RNF152: variants seen among roughly 807,000 people sequenced by gnomAD.
RNF152 encodes ring finger protein 152.
In RNF152, 11 loss-of-function variants were observed where a neutral mutation model predicts 12.7. The ratio of observed to expected loss-of-function variants is 0.86; its 90% confidence interval spans 0.54 to 1.43. The LOEUF (loss-of-function observed/expected upper bound fraction) is 1.43, where lower values mean the gene tolerates loss of function less well. Ranked by LOEUF, RNF152 falls within the 40% of genes most tolerant of loss-of-function variation. The pLI, the probability that RNF152 is intolerant of heterozygous loss-of-function variation, is 0.00. For missense variants in RNF152, 255 were observed against 274.8 expected (o/e 0.93, Z 0.51); for synonymous variants, 113 against 120.3 (o/e 0.94, Z 0.40).
At chr18:61,826,636 T>C (rs1909683020) in intron 1 of RNF152, among the ~76,000 whole-genome samples, 1 of 152,190 alleles carries the variant, frequency 6.6e-6, no homozygotes, top group Non-Finnish European at 1.5e-5. Context: ...GGAAGAACTT[T>C]CCCTCCGCAA....
chr18:61,884,237 GA>G (rs1404868981), intron 1 of RNF152, among the ~76,000 whole-genome samples: 1 of 108,580 alleles, frequency 9.2e-6, no homozygotes, highest in Non-Finnish European at 1.9e-5. Context: ...TGCAGCTGAA[GA>G]ACAAACTCAG....
intron 1 of RNF152, among the ~76,000 whole-genome samples, chr18:61,872,624 A>C (rs1321489807): frequency 6.6e-6 from 1 of 152,132 alleles, no homozygotes; most frequent in African/African-American, 2.4e-5. Flanking sequence ...TTTGCCCTAC[A>C]TTTGAAAAGC....
intron 1 of RNF152, among the ~76,000 whole-genome samples, chr18:61,832,324 A>G (rs954389732): frequency 1.3e-5 from 2 of 152,178 alleles, no homozygotes; most frequent in Admixed American, 6.5e-5. Flanking sequence ...GCGCACATGT[A>G]TATATGTACT....
At chr18:61,830,435 T>G (rs1909885137) in intron 1 of RNF152, among the ~76,000 whole-genome samples, 4 of 152,198 alleles carry the variant, frequency 2.6e-5, no homozygotes, top group Admixed American at 2.6e-4. Flanking sequence ...TCTGGCACTA[T>G]GAATTTGCCT....
At chr18:61,885,515 C>T (rs1414165561) in intron 1 of RNF152, among the ~76,000 whole-genome samples, 2 of 152,042 alleles carry the variant, frequency 1.3e-5, no homozygotes, top group African/African-American at 4.8e-5. Context: ...ACCATGTTGG[C>T]CAGGCTGGTC....
chr18:61,879,701 C>T (rs144969087), intron 1 of RNF152, among the ~76,000 whole-genome samples: 1 of 152,276 alleles, frequency 6.6e-6, no homozygotes, highest in Non-Finnish European at 1.5e-5. Flanking sequence ...CGATGGCTCA[C>T]ACCTGTAATC....
chr18:61,870,217 C>G (rs995252178), intron 1 of RNF152, among the ~76,000 whole-genome samples: 1 of 152,158 alleles, frequency 6.6e-6, no homozygotes, highest in African/African-American at 2.4e-5. Flanking sequence ...GAAAGCACAG[C>G]AGGGAGCTTT....
intron 1 of RNF152, among the ~76,000 whole-genome samples, chr18:61,862,552 A>G (rs531291452): frequency 6.6e-6 from 1 of 152,286 alleles, no homozygotes; most frequent in South Asian, 2.1e-4. Flanking sequence ...TCGGTAAAAA[A>G]ACCCAAGCGG....
chr18:61,829,506 T>G (rs56412400), intron 1 of RNF152, among the ~76,000 whole-genome samples: 45,097 of 143,842 alleles, frequency 0.31, 7,060 homozygotes, highest in Non-Finnish European at 0.35. Context: ...GAGAGAGAGA[T>G]ATATATATAT....
intron 1 of RNF152, among the ~76,000 whole-genome samples, chr18:61,838,604 C>A (rs1910295317): frequency 6.6e-6 from 1 of 152,128 alleles, no homozygotes; most frequent in Non-Finnish European, 1.5e-5. Context: ...CAACTTGGTC[C>A]CAAAGCATCT....
In RNF152 at chr18:61,815,543, G is replaced by C. The variant is rs187813232; in HGVS notation, c.*309C>G. 107 of 328,560 alleles carry C rather than the reference G, an allele frequency of 3.3e-4. No homozygotes were observed. Among genetic ancestry groups the C allele is most frequent in the Non-Finnish European group, 1.6e-4 (28 of 175,334 alleles). The allele number at this position is 328,560 out of a possible 1,614,324, so 20.4% of individuals were successfully genotyped here. A position where few individuals can be genotyped will look rare whatever the true frequency, so the allele number is the denominator to read the frequency against. On this transcript the variant is annotated 3_prime_UTR_variant, in exon 2 of 2. Transcript: ENST00000312828. ...ACTTGTACAGTTTAACGTCTAAGTAGAATATGTCTATCTTGTAACATGATT... is the reference window on the plus strand; with the variant it reads ...ACTTGTACAGTTTAACGTCTAAGTACAATATGTCTATCTTGTAACATGATT...
At chr18:61,845,591 GGT>G (rs1910710111) in intron 1 of RNF152, among the ~76,000 whole-genome samples, 2 of 152,156 alleles carry the variant, frequency 1.3e-5, no homozygotes, top group South Asian at 4.2e-4. Flanking sequence ...ATTTTAAAAT[GGT>G]AGATACATTT....
intron 1 of RNF152, among the ~76,000 whole-genome samples, chr18:61,889,466 C>T (rs1190746113): frequency 2.6e-5 from 4 of 152,168 alleles, no homozygotes; most frequent in African/African-American, 9.7e-5. Context: ...CTGCAAGCCA[C>T]CAACTGCTGA....
Position 61,815,710 on chromosome 18 carries a change from T to C in RNF152, c.*142A>G, listed in dbSNP as rs1909031738. On this transcript the variant is annotated 3_prime_UTR_variant, in exon 2 of 2. Coordinates refer to ENST00000312828, the MANE Select transcript of RNF152 (RefSeq NM_173557.3). ...GCACCTTCTGCCCTTTGTGTCTGTC[T>C]TGGGGTAATCAAGAGGCAACCCAGA... 9.6e-6 allele frequency: 8 copies of C among 834,734 alleles called. No individual in the cohort carries two copies. The highest frequency in any genetic ancestry group is 1.3e-5 in the Non-Finnish European group (7 of 522,500). 51.7% of individuals were successfully genotyped at this position (834,734 alleles called of 1,614,324 possible).
At chr18:61,830,647 T>C (rs1268750928) in intron 1 of RNF152, among the ~76,000 whole-genome samples, 1 of 152,088 alleles carries the variant, frequency 6.6e-6, no homozygotes, top group Non-Finnish European at 1.5e-5. Flanking sequence ...CAGAGTGAGA[T>C]ATGAATTGGC....
At chr18:61,839,445 T>C (rs1910344625) in intron 1 of RNF152, among the ~76,000 whole-genome samples, 1 of 152,214 alleles carries the variant, frequency 6.6e-6, no homozygotes, top group African/African-American at 2.4e-5. Context: ...CATGAATGGA[T>C]TCAGGTTTAC....
chr18:61,854,936 G>A lies in RNF152; in HGVS notation c.-136+37859C>T, dbSNP rs373488894. Among the ~76,000 whole-genome samples the A allele has an allele frequency of 2.6e-5, 4 of 152,330 alleles. No individual in the cohort carries two copies. The East Asian group carries it at 5.8e-4, about 22-fold the overall frequency. ...AGTTACATGATTTTCCTGAACTACA[G>A]ATAACTCACAGACTGTCTCAAATGC... On this transcript the variant is annotated intron_variant, in intron 1 of 1. Coordinates refer to ENST00000312828, the MANE Select transcript of RNF152 (RefSeq NM_173557.3).
intron 1 of RNF152, among the ~76,000 whole-genome samples, chr18:61,860,133 G>C (rs1173608589): frequency 6.6e-6 from 1 of 152,136 alleles, no homozygotes; most frequent in African/African-American, 2.4e-5. Context: ...AGCACGAGAA[G>C]CTGGGGAAGG....
intron 1 of RNF152, among the ~76,000 whole-genome samples, chr18:61,841,471 G>A (rs4459645): frequency 0.48 from 72,377 of 152,014 alleles, 17,904 homozygotes; most frequent in Non-Finnish European, 0.56. Context: ...AAATGAACTT[G>A]AGCTGGATCT....
Sources: gnomAD v4.1 joint callset for allele counts (sites outside exome capture counted in the v4.1 genomes callset) on GRCh38, gnomAD v4.1.1 for gene constraint, MANE v1.5 for transcripts, NCBI Gene and HGNC (gene_info 2026-07-23, HGNC 2026-07-21) for gene names.